B3GALT1: variants seen among roughly 807,000 people sequenced by gnomAD.
B3GALT1 encodes the protein UDP-Gal:betaGlcNAc beta 1,3-galactosyltransferase, polypeptide 1.
A neutral mutation model predicts 23.2 loss-of-function variants in B3GALT1; 10 were observed. That is an observed-to-expected ratio of 0.43 (90% CI 0.27 to 0.73). The LOEUF (loss-of-function observed/expected upper bound fraction) is 0.73. B3GALT1 is among the 30% of genes least tolerant of loss of function. The pLI, the probability that B3GALT1 is intolerant of heterozygous loss-of-function variation, is 0.21. For missense variants in B3GALT1, 299 were observed against 405.4 expected (o/e 0.74, Z 2.25); for synonymous variants, 156 against 141.5 (o/e 1.10, Z -0.73).
intron 1 of B3GALT1, among the ~76,000 whole-genome samples, chr2:167,330,334 C>A (rs1223048713): frequency 6.6e-6 from 1 of 152,104 alleles, no homozygotes; most frequent in Non-Finnish European, 1.5e-5. Flanking sequence ...TGGCCAGGCA[C>A]AGTGACTCAC....
At chr2:167,396,532 ATATGTGTG>A (rs1256419292) in intron 1 of B3GALT1, among the ~76,000 whole-genome samples, 2,271 of 79,602 alleles carry the variant, frequency 0.029, 67 homozygotes, top group African/African-American at 0.072. Flanking sequence ...ATATATATAT[ATATGTGTG>A]TGTGTGTGTG....
chr2:167,701,174 A>G (rs1216174714), intron 3 of B3GALT1, among the ~76,000 whole-genome samples: 1 of 152,204 alleles, frequency 6.6e-6, no homozygotes, highest in Admixed American at 6.5e-5. Flanking sequence ...AGTGAGTTCT[A>G]CCAAGACTAA....
intron 3 of B3GALT1, among the ~76,000 whole-genome samples, chr2:167,807,089 A>G (rs1323270639): frequency 1.3e-5 from 2 of 151,288 alleles, no homozygotes; most frequent in Non-Finnish European, 2.9e-5. Context: ...TAGATTTTCT[A>G]GTTTATTTGC....
intron 1 of B3GALT1, among the ~76,000 whole-genome samples, chr2:167,321,682 CCTT>C (rs1696814651): frequency 6.6e-6 from 1 of 152,026 alleles, no homozygotes; most frequent in African/African-American, 2.4e-5. Context: ...AATCTTACCT[CCTT>C]CTCTATTCAT....
At chr2:167,721,581 C>A (rs911510602) in intron 3 of B3GALT1, among the ~76,000 whole-genome samples, 5 of 152,112 alleles carry the variant, frequency 3.3e-5, no homozygotes, top group African/African-American at 1.2e-4. Context: ...ATTGATAGAA[C>A]AAGAATCAGA....
At chr2:167,710,320 T>A (rs1360892434) in intron 3 of B3GALT1, among the ~76,000 whole-genome samples, 1 of 152,212 alleles carries the variant, frequency 6.6e-6, no homozygotes, top group East Asian at 1.9e-4. Flanking sequence ...ATCCCTAGAA[T>A]AGACCCAGTA....
chr2:167,869,277 C>T lies in B3GALT1; in HGVS notation c.238C>T (p.Leu80Phe). ...PNKCEKNIPF[L>F]VILISTTHKE... Reference sequence around the variant, plus strand: ...TAAATGTGAGAAAAACATTCCTTTTCTTGTTATCCTCATCAGCACCACTCA... The same window carrying T: ...TAAATGTGAGAAAAACATTCCTTTTTTTGTTATCCTCATCAGCACCACTCA... The change falls in exon 5 of 5, where the codon CTT becomes TTT. Residue 80 changes from leucine to phenylalanine, a missense_variant. Coordinates refer to ENST00000392690, the MANE Select transcript of B3GALT1 (RefSeq NM_020981.4). The surrounding 1 kb of genome is among the most constrained non-coding windows in gnomAD (Gnocchi z 6.4). 6.2e-7 allele frequency: 1 copy of T among 1,614,170 alleles called. No individual in the cohort carries two copies. Among genetic ancestry groups the T allele is most frequent in the Non-Finnish European group, 8.5e-7 (1 of 1,180,038 alleles).
At chr2:167,714,420 G>C (rs1687111803) in intron 3 of B3GALT1, 1 of 1,560,850 alleles carries the variant, frequency 6.4e-7, no homozygotes, top group Non-Finnish European at 8.8e-7. Flanking sequence ...GGAAGCACAG[G>C]TGAGAGTCTG....
intron 1 of B3GALT1, among the ~76,000 whole-genome samples, chr2:167,357,454 C>T (rs142002829): frequency 4.3e-4 from 65 of 152,052 alleles, no homozygotes; most frequent in Admixed American, 7.9e-4. Flanking sequence ...ATTGTACTGA[C>T]ATTTGTCTTA....
At chr2:167,596,396 C>T (rs1327519027) in intron 2 of B3GALT1, among the ~76,000 whole-genome samples, 1 of 152,140 alleles carries the variant, frequency 6.6e-6, no homozygotes, top group African/African-American at 2.4e-5. Flanking sequence ...AGAGAACACC[C>T]ATTTCTAAGT....
chr2:167,841,042 G>C (rs908693117), intron 4 of B3GALT1, among the ~76,000 whole-genome samples: 3 of 109,252 alleles, frequency 2.7e-5, no homozygotes, highest in Non-Finnish European at 3.6e-5. Flanking sequence ...GGGGGAGGGG[G>C]GAGGGATAGC....
intron 2 of B3GALT1, among the ~76,000 whole-genome samples, chr2:167,641,132 A>G (rs1685646323): frequency 6.6e-6 from 1 of 152,186 alleles, no homozygotes; most frequent in Non-Finnish European, 1.5e-5. Flanking sequence ...TATGCTGTCA[A>G]AGTGCTTATG....
At chr2:167,620,960 C>T (rs931448614) in intron 2 of B3GALT1, among the ~76,000 whole-genome samples, 1 of 151,962 alleles carries the variant, frequency 6.6e-6, no homozygotes, top group Non-Finnish European at 1.5e-5. Context: ...AGATATTCCC[C>T]TCCCACCACC....
intron 1 of B3GALT1, among the ~76,000 whole-genome samples, chr2:167,375,675 T>C (rs554120588): frequency 1.3e-5 from 2 of 152,318 alleles, no homozygotes; most frequent in East Asian, 3.9e-4. Flanking sequence ...TACTGATTTT[T>C]GTACATAGAT....
chr2:167,714,928 T>G (rs2105521866), intron 3 of B3GALT1: 1 of 1,611,590 alleles, frequency 6.2e-7, no homozygotes, highest in African/African-American at 1.3e-5. Flanking sequence ...TAAGTTTCTG[T>G]TGAAGCTTCT....
chr2:167,388,430 A>C (rs999403545), intron 1 of B3GALT1, among the ~76,000 whole-genome samples: 3 of 152,166 alleles, frequency 2.0e-5, no homozygotes, highest in Admixed American at 2.0e-4. Flanking sequence ...AGGCTCCTGG[A>C]GGTTCAGGGG....
chr2:167,824,899 T>C (rs10192583), intron 4 of B3GALT1, among the ~76,000 whole-genome samples: 5,372 of 152,164 alleles, frequency 0.035, 316 homozygotes, highest in African/African-American at 0.12. Context: ...CAATTAGATG[T>C]GTGGGTCTGG....
intron 1 of B3GALT1, among the ~76,000 whole-genome samples, chr2:167,398,670 G>T (rs1007678038): frequency 1.8e-4 from 28 of 152,144 alleles, no homozygotes; most frequent in African/African-American, 5.3e-4. Flanking sequence ...ATTTATGAGA[G>T]AATCCACTGA....
At chr2:167,857,684 T>C (rs1443576154) in intron 4 of B3GALT1, among the ~76,000 whole-genome samples, 4 of 152,080 alleles carry the variant, frequency 2.6e-5, no homozygotes, top group African/African-American at 7.2e-5. Context: ...TTTCATCTGA[T>C]TGGCCAGTAA....
Sources: allele counts gnomAD v4.1 joint callset (sites outside exome capture counted in the v4.1 genomes callset), GRCh38; gene constraint gnomAD v4.1.1; non-coding constraint Gnocchi (gnomAD v3.1); transcripts MANE v1.5; gene names NCBI Gene and HGNC (gene_info 2026-07-23, HGNC 2026-07-21).